LSM3: variants seen among roughly 807,000 people sequenced by gnomAD.
LSM3 encodes LSM3 homolog, U6 small nuclear RNA and mRNA degradation associated, also known as U6 snRNA-associated Sm-like protein LSm3.
LSM3 carries 14 observed loss-of-function variants against 15.4 expected under a neutral mutation model. The observed-to-expected ratio is 0.91, with a 90% confidence interval of 0.60 to 1.42. LSM3 has a LOEUF of 1.42. LSM3 is among the 40% of genes most tolerant of loss of function. The pLI is 0.00. For missense variants in LSM3, 88 were observed against 127.9 expected, an observed-to-expected ratio of 0.69 and a Z score of 1.50; for synonymous variants, 46 against 45.1, an observed-to-expected ratio of 1.02 and a Z score of -0.08.
chr3:14,196,130 T>C (rs1209361275), intron 3 of LSM3, among the ~76,000 whole-genome samples: 2 of 151,856 alleles, frequency 1.3e-5, no homozygotes, highest in Non-Finnish European at 2.9e-5. Context: ...TTTTTTTTTT[T>C]ATATTTTTAG....
chr3:14,179,112 C>T (rs968465511), intron 1 of LSM3, among the ~76,000 whole-genome samples: 15 of 152,188 alleles, frequency 9.9e-5, no homozygotes, highest in Non-Finnish European at 1.8e-4. Flanking sequence ...TTTTTTAAAT[C>T]TGTAGATTAT....
At position 14,181,661 on chromosome 3, in the gene LSM3, C is replaced by A. The variant is rs1348075056; in HGVS notation, c.123C>A (p.Gly41=). ...TGAGAAATGACCGAGAGCTTCGAGGCAGATTACATGTAAGTAAATTTATCA... is the reference window on the plus strand; with the variant it reads ...TGAGAAATGACCGAGAGCTTCGAGGAAGATTACATGTAAGTAAATTTATCA... ...VKMRNDRELR[G]RLHAYDQHLN... The change falls in exon 2 of 4, where the codon GGC becomes GGA. Residue 41 remains glycine, a synonymous_variant. Coordinates refer to ENST00000306024, the MANE Select transcript of LSM3 (RefSeq NM_014463.3). 1.2e-6 allele frequency: 2 copies of A among 1,609,694 alleles called. No individual in the cohort carries two copies. Among genetic ancestry groups the A allele is most frequent in the South Asian group, 2.2e-5 (2 of 90,996 alleles).
chr3:14,197,005 GA>G (rs1366338979), intron 3 of LSM3, among the ~76,000 whole-genome samples: 4 of 152,182 alleles, frequency 2.6e-5, no homozygotes. Context: ...TGACTACTTT[GA>G]GGCCATTTGC....
At chr3:14,184,516 A>T (rs1165079694) in intron 3 of LSM3, among the ~76,000 whole-genome samples, 2 of 152,086 alleles carry the variant, frequency 1.3e-5, no homozygotes, top group Non-Finnish European at 2.9e-5. Context: ...GCACTTTGGG[A>T]GGCCGAGGCG....
chr3:14,191,784 A>G (rs1697142312), intron 3 of LSM3, among the ~76,000 whole-genome samples: 2 of 150,518 alleles, frequency 1.3e-5, no homozygotes, highest in Admixed American at 1.3e-4. Context: ...TATCTCCTTC[A>G]GTTCTGGTCT....
At chr3:14,193,891 CT>C (rs1157062112) in intron 3 of LSM3, among the ~76,000 whole-genome samples, 1 of 152,176 alleles carries the variant, frequency 6.6e-6, no homozygotes, top group Non-Finnish European at 1.5e-5. Flanking sequence ...CCTTTTTGTG[CT>C]GGTTTTTCCC....
chr3:14,188,717 A>G (rs900252514), intron 3 of LSM3, among the ~76,000 whole-genome samples: 16 of 148,296 alleles, frequency 1.1e-4, no homozygotes, highest in African/African-American at 2.5e-4. Context: ...TAGATGTACC[A>G]TAATTTAACT....
chr3:14,178,979 A>G (rs770909354), intron 1 of LSM3, 98 bp downstream of exon 1: 12 of 1,329,408 alleles, frequency 9.0e-6, no homozygotes, highest in Non-Finnish European at 1.2e-5. Flanking sequence ...CCTCTCTCCA[A>G]GTCACCATGG....
intron 3 of LSM3, among the ~76,000 whole-genome samples, chr3:14,191,964 GA>G (rs778034441): frequency 1.3e-5 from 2 of 152,134 alleles, no homozygotes; most frequent in Non-Finnish European, 2.9e-5. Context: ...GTGTCCCAGA[GA>G]TTCTGGTACG....
At chr3:14,195,966 T>TC (rs397755473) in intron 3 of LSM3, among the ~76,000 whole-genome samples, 35 of 151,440 alleles carry the variant, frequency 2.3e-4, no homozygotes, top group African/African-American at 8.5e-4. Flanking sequence ...TTTTTTTTTT[T>TC]CTTTGAGACG....
chr3:14,184,110 A>G (rs1697064661), intron 3 of LSM3, 78 bp downstream of exon 3: 1 of 1,473,688 alleles, frequency 6.8e-7, no homozygotes, highest in Non-Finnish European at 9.0e-7. Context: ...TATTTATGGG[A>G]AGCCTGTCAT....
chr3:14,198,199 C>G lies in LSM3; in HGVS notation c.*83C>G. 1 of 995,714 alleles carries G rather than the reference C, an allele frequency of 1.0e-6. No homozygotes were observed. The highest frequency in any genetic ancestry group is 1.6e-6 in the Non-Finnish European group (1 of 632,468). The allele number at this position is 995,714 out of a possible 1,614,324, so 61.7% of individuals were successfully genotyped here. A position where few individuals can be genotyped will look rare whatever the true frequency, so the allele number is the denominator to read the frequency against. On this transcript the variant is annotated 3_prime_UTR_variant, in exon 4 of 4. Transcript: ENST00000306024. Reference sequence around the variant, plus strand: ...AGTACAAAACATTCATAAGAGAAACCTGCATACATTTTGATATTAAGAAAT... The same window carrying G: ...AGTACAAAACATTCATAAGAGAAACGTGCATACATTTTGATATTAAGAAAT...
chr3:14,179,033 G>T (rs1036836473), intron 1 of LSM3, 152 bp downstream of exon 1: 51 of 799,948 alleles, frequency 6.4e-5, no homozygotes, highest in Middle Eastern at 3.6e-4. Flanking sequence ...TCCGAATTTT[G>T]CCGTAGGCCC....
intron 3 of LSM3, among the ~76,000 whole-genome samples, chr3:14,190,038 C>A (rs890411947): frequency 4.6e-5 from 7 of 152,168 alleles, no homozygotes; most frequent in African/African-American, 1.7e-4. Flanking sequence ...TTCCCAACAC[C>A]ATTTATTAAA....
chr3:14,195,594 A>G (rs1697180939), intron 3 of LSM3, among the ~76,000 whole-genome samples: 1 of 152,214 alleles, frequency 6.6e-6, no homozygotes, highest in East Asian at 1.9e-4. Context: ...TGGTTTGTAA[A>G]CTGCATCTGA....
chr3:14,195,069 T>G (rs1697176218), intron 3 of LSM3, among the ~76,000 whole-genome samples: 1 of 152,130 alleles, frequency 6.6e-6, no homozygotes, highest in Non-Finnish European at 1.5e-5. Context: ...TGGAGTTTGT[T>G]TCTCAATGAC....
chr3:14,182,522 C>G (rs1401668844), intron 2 of LSM3, among the ~76,000 whole-genome samples: 1 of 152,038 alleles, frequency 6.6e-6, no homozygotes, highest in East Asian at 1.9e-4. Context: ...TGCATATCTG[C>G]AAAATATCTG....
chr3:14,200,948 A>T lies in LSM3; in HGVS notation c.*2832A>T, dbSNP rs1263676244. 6.6e-6 allele frequency: 1 copy of T among 152,208 alleles called. No individual in the cohort carries two copies. The highest frequency in any genetic ancestry group is 2.4e-5 in the African/African-American group (1 of 41,460). The allele number at this position is 152,208 out of a possible 1,614,324, so 9.4% of individuals were successfully genotyped here. A position where few individuals can be genotyped will look rare whatever the true frequency, so the allele number is the denominator to read the frequency against. On this transcript the variant is annotated 3_prime_UTR_variant, in exon 4 of 4. Coordinates refer to ENST00000306024, the MANE Select transcript of LSM3 (RefSeq NM_014463.3). Reference sequence around the variant, plus strand: ...GGAGTTCGAGATCAGCCTGAGCAACATAACAAGACCCTGTCTCAAATAATA... The same window carrying T: ...GGAGTTCGAGATCAGCCTGAGCAACTTAACAAGACCCTGTCTCAAATAATA...
At chr3:14,192,056 A>T (rs992954754) in intron 3 of LSM3, among the ~76,000 whole-genome samples, 1 of 152,180 alleles carries the variant, frequency 6.6e-6, no homozygotes, top group African/African-American at 2.4e-5. Flanking sequence ...GTCATTCAGG[A>T]GCAGGTTGTT....
Sources: allele counts gnomAD v4.1 joint callset (sites outside exome capture counted in the v4.1 genomes callset), GRCh38; gene constraint gnomAD v4.1.1; transcripts MANE v1.5; gene names NCBI Gene and HGNC (gene_info 2026-07-23, HGNC 2026-07-21).